Variants in B3GALT1 observed in about 807,000 individuals in gnomAD.
The protein encoded by B3GALT1 is beta-1,3-galactosyltransferase 1.
In B3GALT1, 10 loss-of-function variants were observed where a neutral mutation model predicts 23.2. The ratio of observed to expected loss-of-function variants is 0.43; its 90% CI spans 0.27 to 0.73. The LOEUF (loss-of-function observed/expected upper bound fraction) is 0.73. B3GALT1 is among the 30% of genes least tolerant of loss of function. The pLI is 0.21. For missense variants in B3GALT1, 299 were observed against 405.4 expected, an observed-to-expected ratio of 0.74 and a Z score of 2.25; for synonymous variants, 156 against 141.5, an observed-to-expected ratio of 1.10 and a Z score of -0.73.
intron 1 of B3GALT1, among the ~76,000 whole-genome samples, chr2:167,329,380 A>G (rs1422779774): frequency 6.6e-6 from 1 of 152,138 alleles, no homozygotes; most frequent in South Asian, 2.1e-4. Flanking sequence ...TGTTTTTTAA[A>G]TCTGTTGAGA....
chr2:167,638,453 G>T (rs116782397), intron 2 of B3GALT1, among the ~76,000 whole-genome samples: 1 of 151,988 alleles, frequency 6.6e-6, no homozygotes, highest in South Asian at 2.1e-4. Flanking sequence ...GCAGTCTGCC[G>T]TGTTTCATGT....
chr2:167,750,753 A>AC (rs1281640098), intron 3 of B3GALT1, among the ~76,000 whole-genome samples: 8 of 150,944 alleles, frequency 5.3e-5, no homozygotes, highest in African/African-American at 2.0e-4. Context: ...AAAAAAAAAA[A>AC]ACTAAGCCCC....
chr2:167,612,667 A>G (rs1274429200), intron 2 of B3GALT1, among the ~76,000 whole-genome samples: 2 of 151,822 alleles, frequency 1.3e-5, no homozygotes, highest in African/African-American at 4.8e-5. Context: ...AATATTCTAT[A>G]ATTACTTATG....
chr2:167,590,314 C>T (rs1045581723), intron 2 of B3GALT1, among the ~76,000 whole-genome samples: 3 of 145,608 alleles, frequency 2.1e-5, no homozygotes, highest in African/African-American at 5.1e-5. Context: ...CCACTGCACT[C>T]CAGCCTGGGC....
intron 1 of B3GALT1, among the ~76,000 whole-genome samples, chr2:167,317,884 G>A (rs1395228903): frequency 2.0e-5 from 3 of 152,090 alleles, no homozygotes; most frequent in African/African-American, 7.2e-5. Context: ...ATTCCAACAT[G>A]AGGGCCTAAA....
chr2:167,469,676 A>G (rs1699397969), intron 1 of B3GALT1, among the ~76,000 whole-genome samples: 1 of 152,334 alleles, frequency 6.6e-6, no homozygotes, highest in Non-Finnish European at 1.5e-5. Flanking sequence ...AACTAGTATT[A>G]TATAAACAAC....
At chr2:167,794,953 A>G (rs375584993) in intron 3 of B3GALT1, among the ~76,000 whole-genome samples, 1 of 152,318 alleles carries the variant, frequency 6.6e-6, no homozygotes, top group East Asian at 1.9e-4. Flanking sequence ...TTGAAATTAT[A>G]TATGGATGTA....
chr2:167,641,704 T>G (rs1685655477), intron 2 of B3GALT1, among the ~76,000 whole-genome samples: 1 of 152,162 alleles, frequency 6.6e-6, no homozygotes, highest in Non-Finnish European at 1.5e-5. Flanking sequence ...TCCCCTGTAA[T>G]GGGACTGGCC....
At chr2:167,672,433 A>G (rs1032099811) in intron 3 of B3GALT1, among the ~76,000 whole-genome samples, 1 of 152,200 alleles carries the variant, frequency 6.6e-6, no homozygotes, top group Non-Finnish European at 1.5e-5. Context: ...GCACAGCCCT[A>G]ATGGAAGATG....
At chr2:167,732,386 T>A (rs1687422689) in intron 3 of B3GALT1, among the ~76,000 whole-genome samples, 2 of 152,232 alleles carry the variant, frequency 1.3e-5, no homozygotes, top group African/African-American at 4.8e-5. Flanking sequence ...CCTGTTTGGA[T>A]TCACAGTGGT....
At position 167,561,209 on chromosome 2, in the gene B3GALT1, G is replaced by A. The variant is rs145043251; in HGVS notation, c.-410+70932G>A. Reference sequence around the variant, plus strand: ...CAACCTGCTCCTGAATGACTATTGGGTACATAACAAAATGAAGGCAGACAT... The same window carrying A: ...CAACCTGCTCCTGAATGACTATTGGATACATAACAAAATGAAGGCAGACAT... On this transcript the variant is annotated intron_variant, in intron 2 of 4. Coordinates refer to ENST00000392690, the MANE Select transcript of B3GALT1 (RefSeq NM_020981.4). 6.1e-3 allele frequency among the ~76,000 whole-genome samples: 923 copies of A among 152,222 alleles called. 10 individuals are homozygous for A. Among genetic ancestry groups the A allele is most frequent in the African/African-American group, 0.02 (829 of 41,520 alleles).
At chr2:167,362,520 G>T (rs2105263779) in intron 1 of B3GALT1, among the ~76,000 whole-genome samples, 1 of 152,108 alleles carries the variant, frequency 6.6e-6, no homozygotes, top group South Asian at 2.1e-4. Context: ...TTCATTATTT[G>T]ATTTACTTAG....
chr2:167,758,669 T>G (rs2105295338), intron 3 of B3GALT1, among the ~76,000 whole-genome samples: 1 of 152,244 alleles, frequency 6.6e-6, no homozygotes, highest in Admixed American at 6.5e-5. Context: ...CGTGCATTTT[T>G]TTTTCCCTAT....
chr2:167,322,683 T>G (rs555040229), intron 1 of B3GALT1, among the ~76,000 whole-genome samples: 10 of 152,128 alleles, frequency 6.6e-5, no homozygotes, highest in Non-Finnish European at 1.3e-4. Context: ...CTTGAAGAAT[T>G]TGTCAAAAGA....
At chr2:167,501,922 T>C (rs1699854671) in intron 2 of B3GALT1, among the ~76,000 whole-genome samples, 1 of 152,158 alleles carries the variant, frequency 6.6e-6, no homozygotes, top group Non-Finnish European at 1.5e-5. Context: ...TCATTTCTGT[T>C]TTACACTCTT....
intron 2 of B3GALT1, among the ~76,000 whole-genome samples, chr2:167,593,577 A>G (rs1022410811): frequency 1.3e-5 from 2 of 152,228 alleles, no homozygotes; most frequent in African/African-American, 4.8e-5. Context: ...CAATTTTTTA[A>G]AGAAAGAATA....
At chr2:167,588,907 G>A (rs988027988) in intron 2 of B3GALT1, among the ~76,000 whole-genome samples, 4 of 105,628 alleles carry the variant, frequency 3.8e-5, no homozygotes, top group Admixed American at 2.5e-4. Flanking sequence ...CTTTCCTTCC[G>A]TCCCTCCTTC....
intron 1 of B3GALT1, among the ~76,000 whole-genome samples, chr2:167,413,041 G>A (rs1698413817): frequency 6.6e-6 from 1 of 152,226 alleles, no homozygotes; most frequent in South Asian, 2.1e-4. Context: ...GTCTAGAAGA[G>A]TAGCAGAAAG....
At chr2:167,328,726 A>G (rs2617377) in intron 1 of B3GALT1, among the ~76,000 whole-genome samples, 149,906 of 152,272 alleles carry the variant, frequency 0.98, 73,827 homozygotes, top group Middle Eastern at 1. Flanking sequence ...TTCATTATTT[A>G]TTTCCTTCTG....
Sources: gnomAD v4.1 joint callset for allele counts (sites outside exome capture counted in the v4.1 genomes callset) on GRCh38, gnomAD v4.1.1 for gene constraint, MANE v1.5 for transcripts, NCBI Gene and HGNC (gene_info 2026-07-23, HGNC 2026-07-21) for gene names.